Variants in SGIP1 observed in about 807,000 individuals in gnomAD.
SGIP1 encodes the protein SH3GL interacting endocytic adaptor 1.
In SGIP1, 38 loss-of-function variants were observed where a neutral mutation model predicts 107.5. That is an observed-to-expected ratio of 0.35 (90% CI 0.27 to 0.46). SGIP1 has a LOEUF of 0.46. Among genes scored for constraint, SGIP1 ranks in the 20% least tolerant of loss-of-function variants. The pLI is 1.00. For missense variants in SGIP1, 929 were observed against 1,019.5 expected (o/e 0.91, Z 1.21); for synonymous variants, 365 against 366.1 (o/e 1.00, Z 0.03).
At position 66,745,016 on chromosome 1, in the gene SGIP1, T is replaced by C. The variant is rs2018751805; in HGVS notation, c.*1921T>C. 6.6e-6 allele frequency: 1 copy of C among 152,462 alleles called. No individual in the cohort carries two copies. The highest frequency in any genetic ancestry group is 2.4e-5 in the African/African-American group (1 of 41,422). The allele number at this position is 152,462 out of a possible 1,614,324, so 9.4% of individuals were successfully genotyped here. A position where few individuals can be genotyped will look rare whatever the true frequency, so the allele number is the denominator to read the frequency against. On this transcript the variant is annotated 3_prime_UTR_variant, in exon 25 of 25. Transcript: ENST00000371037. ...TCCAGCATATGAATATAACAATGTG[T>C]TTTTAAGTAATCAATTCATTTAAAA...
intron 15 of SGIP1, among the ~76,000 whole-genome samples, chr1:66,687,078 T>A (rs2088521541): frequency 6.6e-6 from 1 of 152,230 alleles, no homozygotes; most frequent in Non-Finnish European, 1.5e-5. Context: ...CCACACTGCC[T>A]TGGTGAAGTC....
chr1:66,690,414 GT>G, intron 17 of SGIP1, 98 bp downstream of exon 17: 1 of 1,516,910 alleles, frequency 6.6e-7, no homozygotes, highest in Non-Finnish European at 8.9e-7. Context: ...GGTTGAAATT[GT>G]TTTGCTGTGT....
At chr1:66,728,529 T>G (rs1484795993) in intron 19 of SGIP1, among the ~76,000 whole-genome samples, 1 of 152,200 alleles carries the variant, frequency 6.6e-6, no homozygotes, top group Non-Finnish European at 1.5e-5. Context: ...TCAACCATTG[T>G]AGAAAATAGT....
chr1:66,557,825 T>C (rs769272140), intron 1 of SGIP1, among the ~76,000 whole-genome samples: 1 of 152,134 alleles, frequency 6.6e-6, no homozygotes, highest in Non-Finnish European at 1.5e-5. Context: ...TTGTTAGAAG[T>C]GGAAATGCAC....
intron 4 of SGIP1, among the ~76,000 whole-genome samples, chr1:66,639,372 C>T (rs931536738): frequency 6.6e-5 from 10 of 152,098 alleles, no homozygotes; most frequent in African/African-American, 2.4e-4. Context: ...TATGTTGTAA[C>T]TAATTGTATA....
chr1:66,606,496 A>C (rs368426033), intron 1 of SGIP1, among the ~76,000 whole-genome samples: 2 of 152,214 alleles, frequency 1.3e-5, no homozygotes, highest in East Asian at 3.8e-4. Flanking sequence ...GAACAGATGG[A>C]TGACTAGACC....
chr1:66,597,962 G>T (rs2065036376), intron 1 of SGIP1, among the ~76,000 whole-genome samples: 1 of 152,024 alleles, frequency 6.6e-6, no homozygotes, highest in South Asian at 2.1e-4. Flanking sequence ...GGTAAACTGT[G>T]AACAGATTTT....
At chr1:66,671,369 T>C (rs971492655) in intron 10 of SGIP1, among the ~76,000 whole-genome samples, 7 of 152,288 alleles carry the variant, frequency 4.6e-5, no homozygotes, top group African/African-American at 1.4e-4. Flanking sequence ...GAACTGAAAG[T>C]AGAAGCAACT....
At chr1:66,662,323 C>T (rs1384867148) in intron 8 of SGIP1, among the ~76,000 whole-genome samples, 1 of 151,948 alleles carries the variant, frequency 6.6e-6, no homozygotes, top group Non-Finnish European at 1.5e-5. Flanking sequence ...TCTTTGTTTC[C>T]CCATAGCACT....
chr1:66,592,867 C>T (rs1292016931), intron 1 of SGIP1, among the ~76,000 whole-genome samples: 1 of 134,770 alleles, frequency 7.4e-6, no homozygotes, highest in Admixed American at 7.0e-5. Context: ...TTCCTTCCTT[C>T]CTTTCTTTCC....
At chr1:66,580,208 C>A (rs1427382969) in intron 1 of SGIP1, among the ~76,000 whole-genome samples, 1 of 152,122 alleles carries the variant, frequency 6.6e-6, no homozygotes, top group Non-Finnish European at 1.5e-5. Flanking sequence ...GACCCAGACT[C>A]CTAACCATTA....
At chr1:66,695,076 T>C (rs2090605301) in intron 17 of SGIP1, 1 of 412,698 alleles carries the variant, frequency 2.4e-6, no homozygotes, top group Admixed American at 4.0e-5. Context: ...ATGAAATGGA[T>C]ACAGCAATTG....
In SGIP1 at chr1:66,534,294, CT is replaced by C; in HGVS notation, c.-64del. 2 of 1,585,438 alleles carry C rather than the reference CT, an allele frequency of 1.3e-6. No homozygotes were observed. Among genetic ancestry groups the C allele is most frequent in the Admixed American group, 3.3e-5 (2 of 59,986 alleles). ...GGCGTGGTGAGGACTTAGCTGGGACCTGGAATCGTATCCTCCTGTGTTTTTT... is the reference window on the plus strand; with the variant it reads ...GGCGTGGTGAGGACTTAGCTGGGACCGGAATCGTATCCTCCTGTGTTTTTT... On this transcript the variant is annotated 5_prime_UTR_variant, in exon 1 of 25. Coordinates refer to ENST00000371037, the MANE Select transcript of SGIP1 (RefSeq NM_032291.4).
At chr1:66,663,636 C>T (rs2081969357) in intron 8 of SGIP1, among the ~76,000 whole-genome samples, 1 of 152,084 alleles carries the variant, frequency 6.6e-6, no homozygotes. Context: ...CTTTGCACAG[C>T]TTCTAGCTGT....
intron 1 of SGIP1, among the ~76,000 whole-genome samples, chr1:66,619,513 T>C (rs2070377675): frequency 6.6e-6 from 1 of 152,206 alleles, no homozygotes. Flanking sequence ...TTAAGTTAGC[T>C]TGGGTGATAA....
chr1:66,595,162 T>G lies in SGIP1; in HGVS notation c.11-30685T>G, dbSNP rs185304319. 2.0e-3 allele frequency among the ~76,000 whole-genome samples: 303 copies of G among 152,334 alleles called. 2 individuals are homozygous for G. Among genetic ancestry groups the G allele is most frequent in the Non-Finnish European group, 1.6e-3 (107 of 68,030 alleles). On this transcript the variant is annotated intron_variant, in intron 1 of 24. Transcript: ENST00000371037. ...CTAAATATCGTTTTCATACACTTCG[T>G]GCTGATCATTGGCTTTTCAGCTGGC...
chr1:66,679,190 T>C (rs991518802), intron 13 of SGIP1, among the ~76,000 whole-genome samples: 1 of 152,202 alleles, frequency 6.6e-6, no homozygotes, highest in African/African-American at 2.4e-5. Context: ...CCCAACTCAA[T>C]CTGGACACTA....
intron 19 of SGIP1, among the ~76,000 whole-genome samples, chr1:66,722,764 A>G (rs1323192622): frequency 6.6e-6 from 1 of 152,184 alleles, no homozygotes; most frequent in Non-Finnish European, 1.5e-5. Flanking sequence ...CTGTCACAAT[A>G]TAAGCCAGGG....
chr1:66,576,016 G>A (rs1193435665), intron 1 of SGIP1, among the ~76,000 whole-genome samples: 3 of 152,200 alleles, frequency 2.0e-5, no homozygotes, highest in Non-Finnish European at 4.4e-5. Flanking sequence ...CACTGAGAGT[G>A]AAGATGGAGA....
Sources: allele counts gnomAD v4.1 joint callset (sites outside exome capture counted in the v4.1 genomes callset), GRCh38; gene constraint gnomAD v4.1.1; transcripts MANE v1.5; gene names NCBI Gene and HGNC (gene_info 2026-07-23, HGNC 2026-07-21).